MRAP: variants seen among roughly 807,000 people sequenced by gnomAD.
MRAP encodes melanocortin 2 receptor accessory protein, also known as melanocortin-2 receptor accessory protein.
A neutral mutation model predicts 8.7 loss-of-function variants in MRAP; 8 were observed. The observed-to-expected ratio is 0.92, with a 90% confidence interval of 0.54 to 1.66. MRAP has a LOEUF of 1.66. Among genes scored for constraint, MRAP ranks in the 40% most tolerant of loss-of-function variants. The pLI is 0.00. For missense variants in MRAP, 237 were observed against 217.1 expected, an observed-to-expected ratio of 1.09 and a Z score of -0.58; for synonymous variants, 95 against 95.5, an observed-to-expected ratio of 1.00 and a Z score of 0.03.
At chr21:32,295,152 T>G (rs915708451), upstream of MRAP, among the ~76,000 whole-genome samples, 1 of 151,886 alleles carries the variant, frequency 6.6e-6, no homozygotes, top group African/African-American at 2.4e-5. Flanking sequence ...CTAAGGGGCA[T>G]AAGACAGGAA....
intron 2 of MRAP, among the ~76,000 whole-genome samples, chr21:32,310,149 G>A (rs900656811): frequency 6.6e-6 from 1 of 152,156 alleles, no homozygotes; most frequent in Admixed American, 6.5e-5. Context: ...CTCCCTGGGG[G>A]GCACAGGCCT....
intron 1 of MRAP, among the ~76,000 whole-genome samples, chr21:32,301,818 G>A (rs2032304134): frequency 6.6e-6 from 1 of 152,160 alleles, no homozygotes; most frequent in Non-Finnish European, 1.5e-5. Context: ...GGTTCAATGA[G>A]ACAGTCTGTT....
Position 32,312,100 on chromosome 21 carries a change from G to T in MRAP, c.*104G>T. ...AGAGGCCATTTGCATGTAGCAGAAA[G>T]GGCACCTAGGTCAAGTGCAACTAGA... On this transcript the variant is annotated 3_prime_UTR_variant, in exon 3 of 3. Transcript: ENST00000303645. The T allele has an allele frequency of 6.3e-7, 1 of 1,581,368 alleles. No individual in the cohort carries two copies. Among genetic ancestry groups the T allele is most frequent in the East Asian group, 2.3e-5 (1 of 44,210 alleles).
At chr21:32,302,949 G>C (rs1364868452) in intron 1 of MRAP, among the ~76,000 whole-genome samples, 1 of 149,642 alleles carries the variant, frequency 6.7e-6, no homozygotes, top group African/African-American at 2.5e-5. Flanking sequence ...TGACCTTAGA[G>C]TTGACAGTAG....
At chr21:32,313,532 C>T (rs146615097), downstream of MRAP, 3 of 152,330 alleles carry the variant, frequency 2.0e-5, no homozygotes, top group East Asian at 1.9e-4. Context: ...GCTTTGTAGA[C>T]AGTGCAAGAC....
At chr21:32,314,287 C>A (rs991598276), downstream of MRAP, 3 of 391,092 alleles carry the variant, frequency 7.7e-6, no homozygotes, top group East Asian at 6.1e-5. Context: ...CAGGTTCAAG[C>A]GATTCCCCTG....
At position 32,312,103 on chromosome 21, in the gene MRAP, C is replaced by A. The variant is rs1202540171; in HGVS notation, c.*107C>A. ...GGCCATTTGCATGTAGCAGAAAGGGCACCTAGGTCAAGTGCAACTAGAGCA... is the reference window on the plus strand; with the variant it reads ...GGCCATTTGCATGTAGCAGAAAGGGAACCTAGGTCAAGTGCAACTAGAGCA... On this transcript the variant is annotated 3_prime_UTR_variant, in exon 3 of 3. Coordinates refer to ENST00000303645, the MANE Select transcript of MRAP (RefSeq NM_001379228.1). 1.9e-6 allele frequency: 3 copies of A among 1,577,984 alleles called. No individual in the cohort carries two copies. The highest frequency in any genetic ancestry group is 2.6e-6 in the Non-Finnish European group (3 of 1,168,818).
At chr21:32,304,094 G>T (rs560388533) in intron 1 of MRAP, among the ~76,000 whole-genome samples, 1 of 152,126 alleles carries the variant, frequency 6.6e-6, no homozygotes, top group African/African-American at 2.4e-5. Context: ...ATTTATGTAG[G>T]TGCTATAAGA....
rs2032581403 is a variant in MRAP at position 32,311,790 on chromosome 21, C to T, written c.313C>T (p.Gln105Ter). The change falls in exon 3 of 3, where the codon CAG (glutamine) becomes TAG (stop). Residue 105 changes from glutamine to a stop codon, truncating the protein, a stop_gained. Transcript: ENST00000303645. LOFTEE classifies it low-confidence loss of function (END_TRUNC). ...CCACAGGGAACCCCTGGCAACCTCA[C>T]AGGCTCAGGCGAGCTCAGTGGAGCC... ...PCHREPLATS[Q>*]AQASSVEPGS... 2 of 1,614,026 alleles carry T rather than the reference C, an allele frequency of 1.2e-6. No homozygotes were observed. Among genetic ancestry groups the T allele is most frequent in the African/African-American group, 1.3e-5 (1 of 74,932 alleles).
downstream of MRAP, chr21:32,313,201 C>T (rs890077462): frequency 1.3e-5 from 2 of 152,348 alleles, no homozygotes; most frequent in East Asian, 1.9e-4. Context: ...CCGTGGAAAT[C>T]CACCCCACCT....
At chr21:32,314,561 G>T, downstream of MRAP, 6 of 1,613,988 alleles carry the variant, frequency 3.7e-6, no homozygotes, top group Non-Finnish European at 5.1e-6. Flanking sequence ...CTTTAACACA[G>T]ATGAATCTCT....
Position 32,312,142 on chromosome 21 carries a change from C to T in MRAP, c.*146C>T. 1.3e-6 allele frequency: 2 copies of T among 1,535,378 alleles called. No individual in the cohort carries two copies. The highest frequency in any genetic ancestry group is 2.4e-5 in the South Asian group (2 of 83,712). ...GCAACTAGAGCAGGAGCATCCTATG[C>T]CTTTGACAAAGATTGCAGTGGCCCC... is the stretch of plus-strand genomic sequence containing the variant. On this transcript the variant is annotated 3_prime_UTR_variant, in exon 3 of 3. Coordinates refer to ENST00000303645, the MANE Select transcript of MRAP (RefSeq NM_001379228.1).
intron 1 of MRAP, among the ~76,000 whole-genome samples, chr21:32,303,549 A>G (rs1333925929): frequency 2.0e-5 from 3 of 152,152 alleles, no homozygotes; most frequent in African/African-American, 7.2e-5. Context: ...GAGGGGAAGG[A>G]GAGAAAGGAA....
rs150866700 is a variant in MRAP at position 32,311,778 on chromosome 21, C to G, written c.301C>G (p.Leu101Val). The G allele has an allele frequency of 1.9e-5, 31 of 1,614,058 alleles. No individual in the cohort carries two copies. The highest frequency in any genetic ancestry group is 2.4e-5 in the Non-Finnish European group (28 of 1,180,046). Reference sequence around the variant, plus strand: ...GTGCCTGCCGTGCCACAGGGAACCCCTGGCAACCTCACAGGCTCAGGCGAG... The same window carrying G: ...GTGCCTGCCGTGCCACAGGGAACCCGTGGCAACCTCACAGGCTCAGGCGAG... ...QKCLPCHREP[L>V]ATSQAQASSV... The change falls in exon 3 of 3, where the codon CTG (leucine) becomes GTG (valine). Residue 101 changes from leucine (L) to valine (V), a missense_variant. Leu to Val is a conservative substitution (Grantham distance 32). Transcript: ENST00000303645.
chr21:32,306,645 A>T lies in MRAP; in HGVS notation c.112A>T (p.Ile38Phe). ...EKKLKAHKHS[I>F]VIAFWVSLAA... ...TGCATCTCCTCCTCCCGCAGATTCC[A>T]TCGTGATCGCATTCTGGGTGAGCCT... Residue 38 changes from isoleucine to phenylalanine, a missense_variant, in exon 2 of 3, where the codon ATC becomes TTC. Ile to Phe is a conservative substitution (Grantham distance 21, BLOSUM62 0). Transcript: ENST00000303645. 1.9e-6 allele frequency: 3 copies of T among 1,614,056 alleles called. No individual in the cohort carries two copies. Among genetic ancestry groups the T allele is most frequent in the Non-Finnish European group, 2.5e-6 (3 of 1,179,958 alleles).
intron 1 of MRAP, among the ~76,000 whole-genome samples, chr21:32,305,555 T>C (rs1360416951): frequency 3.3e-5 from 5 of 152,172 alleles, no homozygotes; most frequent in African/African-American, 4.8e-5. Flanking sequence ...GGGTGGAACA[T>C]TGTGGGTGAA....
At chr21:32,310,117 G>C (rs149234113) in intron 2 of MRAP, among the ~76,000 whole-genome samples, 1 of 152,204 alleles carries the variant, frequency 6.6e-6, no homozygotes, top group Non-Finnish European at 1.5e-5. Flanking sequence ...GCAAGCCCAG[G>C]GGCTGCCTCC....
chr21:32,310,341 G>C (rs368745702), intron 2 of MRAP, among the ~76,000 whole-genome samples: 1 of 152,332 alleles, frequency 6.6e-6, no homozygotes, highest in East Asian at 1.9e-4. Context: ...CCATGATGGG[G>C]GGGGGAGGGG....
rs908214019 is a variant in MRAP, at chr21:32,304,907, C to T, written c.107-1733C>T. ...AGGCAATGGATGCTCATGATTCTTT[C>T]GCCAATACTGTGCCTTTTCATTATA... On this transcript the variant is annotated intron_variant, in intron 1 of 2. Transcript: ENST00000303645. Among the ~76,000 whole-genome samples the T allele has an allele frequency of 1.1e-4, 16 of 150,628 alleles. No individual in the cohort carries two copies. The East Asian group carries it at 1.4e-3, about 13-fold the overall frequency.
Sources: allele counts gnomAD v4.1 joint callset (sites outside exome capture counted in the v4.1 genomes callset), GRCh38; gene constraint gnomAD v4.1.1; transcripts MANE v1.5; gene names NCBI Gene and HGNC (gene_info 2026-07-23, HGNC 2026-07-21).